RHOA: variants seen among roughly 807,000 people sequenced by gnomAD.
The protein encoded by RHOA is ras homolog family member A.
Under a neutral mutation model 17.5 loss-of-function variants are expected in RHOA, and 3 were observed. That is an observed-to-expected ratio of 0.17 (90% CI 0.08 to 0.44). The LOEUF is 0.44. RHOA is among the 20% of genes least tolerant of loss of function. The pLI, the probability that RHOA is intolerant of heterozygous loss-of-function variation, is 0.99. For synonymous variants in RHOA, 98 were observed against 88.4 expected, an observed-to-expected ratio of 1.11 and a Z score of -0.61; for missense variants, 56 against 242.3, an observed-to-expected ratio of 0.23 and a Z score of 5.10.
intron 1 of RHOA, among the ~76,000 whole-genome samples, chr3:49,380,768 C>T (rs2048304125): frequency 6.7e-6 from 1 of 150,124 alleles, no homozygotes; most frequent in South Asian, 2.1e-4. Flanking sequence ...GTTCCCCAAC[C>T]AGAATGGATA....
At chr3:49,392,947 G>C (rs1048144297) in intron 1 of RHOA, among the ~76,000 whole-genome samples, 3 of 152,024 alleles carry the variant, frequency 2.0e-5, no homozygotes, top group Admixed American at 1.3e-4. Flanking sequence ...GAGGTCAAGG[G>C]GGGTAGATCA....
chr3:49,408,514 CAT>C (rs1208997745), intron 1 of RHOA, among the ~76,000 whole-genome samples: 1 of 152,138 alleles, frequency 6.6e-6, no homozygotes, highest in Non-Finnish European at 1.5e-5. Context: ...TTTTCAGTCA[CAT>C]GACTATCGTA....
At chr3:49,392,566 A>T (rs2048528721) in intron 1 of RHOA, among the ~76,000 whole-genome samples, 1 of 152,114 alleles carries the variant, frequency 6.6e-6, no homozygotes, top group South Asian at 2.1e-4. Flanking sequence ...GACTGGTCTC[A>T]AACTCCTGAG....
chr3:49,364,167 T>C (rs1034346425), intron 3 of RHOA, among the ~76,000 whole-genome samples: 1 of 151,764 alleles, frequency 6.6e-6, no homozygotes, highest in African/African-American at 2.4e-5. Context: ...CTGGCCAACA[T>C]GGTGAAACCC....
Position 49,411,803 on chromosome 3 carries a change from G to A in RHOA, c.-3+17C>T, listed in dbSNP as rs1005580526. The A allele has an allele frequency of 4.6e-5, 7 of 151,934 alleles. No individual in the cohort carries two copies. Among genetic ancestry groups the A allele is most frequent in the African/African-American group, 1.4e-4 (6 of 41,408 alleles). The allele number at this position is 151,934 out of a possible 1,614,324, so 9.4% of individuals were successfully genotyped here. A position where few individuals can be genotyped will look rare whatever the true frequency, so the allele number is the denominator to read the frequency against. On this transcript the variant is annotated intron_variant, in intron 1 of 4. Coordinates refer to ENST00000418115, the MANE Select transcript of RHOA (RefSeq NM_001664.4). ...GCCTGGGGCCCCGCGGCGCCTGGAG[G>A]GAACCCTTCCGCTCACCTCAGGCAA... is the stretch of plus-strand genomic sequence containing the variant.
chr3:49,393,499 T>C (rs775751169), intron 1 of RHOA, among the ~76,000 whole-genome samples: 2 of 151,684 alleles, frequency 1.3e-5, no homozygotes, highest in Admixed American at 1.3e-4. Flanking sequence ...GGTTCCATCA[T>C]ATGGGCCAGA....
At chr3:49,363,089 T>A (rs2047997098) in intron 3 of RHOA, among the ~76,000 whole-genome samples, 1 of 152,206 alleles carries the variant, frequency 6.6e-6, no homozygotes, top group African/African-American at 2.4e-5. Flanking sequence ...GCATAACTTC[T>A]ACCCTATGGG....
chr3:49,408,191 C>A (rs1343824341), intron 1 of RHOA, among the ~76,000 whole-genome samples: 1 of 150,924 alleles, frequency 6.6e-6, no homozygotes. Flanking sequence ...TATATATATA[C>A]ACACACACAT....
chr3:49,379,979 C>T (rs2048291415), intron 1 of RHOA, among the ~76,000 whole-genome samples: 1 of 152,204 alleles, frequency 6.6e-6, no homozygotes, highest in South Asian at 2.1e-4. Context: ...CATCCCAATT[C>T]CCGCCCTTCC....
At chr3:49,401,925 G>A (rs369854092) in intron 1 of RHOA, among the ~76,000 whole-genome samples, 16 of 152,292 alleles carry the variant, frequency 1.1e-4, no homozygotes, top group African/African-American at 3.8e-4. Context: ...TGGCCATCCT[G>A]ATCAAGTGGC....
chr3:49,361,321 G>T (rs919346356), intron 4 of RHOA, among the ~76,000 whole-genome samples: 7 of 152,112 alleles, frequency 4.6e-5, no homozygotes, highest in Non-Finnish European at 8.8e-5. Context: ...CATTCAGACA[G>T]AGAAACCTGA....
chr3:49,359,374 G>A lies in RHOA; in HGVS notation c.*835C>T. 1 of 187,628 alleles carries A rather than the reference G, an allele frequency of 5.3e-6. No homozygotes were observed. The allele number at this position is 187,628 out of a possible 1,614,324, so 11.6% of individuals were successfully genotyped here. ...TCTTCCAAAGTGTCTAATTGCCTCA[G>A]GCGTGAAACCAATTCCTATTTACTT... On this transcript the variant is annotated 3_prime_UTR_variant, in exon 5 of 5. Coordinates refer to ENST00000418115, the MANE Select transcript of RHOA (RefSeq NM_001664.4).
intron 4 of RHOA, among the ~76,000 whole-genome samples, chr3:49,361,330 G>A (rs1300195497): frequency 6.6e-6 from 1 of 152,166 alleles, no homozygotes; most frequent in African/African-American, 2.4e-5. Context: ...AGAGAAACCT[G>A]AGTAAGAGAA....
intron 4 of RHOA, 122 bp from the exon 5 acceptor site, chr3:49,360,504 G>A: frequency 9.3e-7 from 1 of 1,078,472 alleles, no homozygotes; most frequent in Non-Finnish European, 1.3e-6. Context: ...TTGCTCGTCG[G>A]TCGCCCAGGC....
chr3:49,385,109 T>C (rs898034053), intron 1 of RHOA, among the ~76,000 whole-genome samples: 4 of 151,868 alleles, frequency 2.6e-5, no homozygotes, highest in African/African-American at 9.7e-5. Context: ...GGTCTTGCTG[T>C]GTTGCCCTGG....
chr3:49,399,054 C>CAAAATAA (rs2048672174), intron 1 of RHOA, among the ~76,000 whole-genome samples: 1 of 24,830 alleles, frequency 4.0e-5, no homozygotes, highest in Non-Finnish European at 6.6e-5. Flanking sequence ...GACTCCGTCT[C>CAAAATAA]AAAAAAAAAA....
chr3:49,398,907 G>A (rs1292386360), intron 1 of RHOA, among the ~76,000 whole-genome samples: 6 of 141,708 alleles, frequency 4.2e-5, no homozygotes, highest in Non-Finnish European at 7.6e-5. Context: ...TATTATTACA[G>A]GGCTTTAATA....
chr3:49,374,381 T>C (rs1450547296), intron 2 of RHOA, among the ~76,000 whole-genome samples: 1 of 151,968 alleles, frequency 6.6e-6, no homozygotes, highest in Non-Finnish European at 1.5e-5. Context: ...CTGAGCATTA[T>C]CTATATGGCA....
chr3:49,396,337 G>A (rs2048615793), intron 1 of RHOA, among the ~76,000 whole-genome samples: 1 of 152,134 alleles, frequency 6.6e-6, no homozygotes. Flanking sequence ...ACTTTGGGAG[G>A]CTGAGGAGGA....
Sources: allele counts gnomAD v4.1 joint callset (sites outside exome capture counted in the v4.1 genomes callset), GRCh38; gene constraint gnomAD v4.1.1; transcripts MANE v1.5; gene names NCBI Gene and HGNC (gene_info 2026-07-23, HGNC 2026-07-21).